The following ALPL variants were observed in gnomAD, a reference collection of about 807,000 sequenced individuals.
ALPL encodes the protein alkaline phosphatase, biomineralization associated.
A neutral mutation model predicts 51.3 loss-of-function variants in ALPL; 42 were observed. The observed-to-expected ratio is 0.82, with a 90% CI of 0.64 to 1.06. ALPL has a LOEUF of 1.06. Ranked by LOEUF, ALPL falls within the 50% of genes least tolerant of loss-of-function variation. ALPL has a pLI of 0.00. For synonymous variants in ALPL, 279 were observed against 296.4 expected, an observed-to-expected ratio of 0.94 and a Z score of 0.60; for missense variants, 589 against 709.4, an observed-to-expected ratio of 0.83 and a Z score of 1.93.
intron 1 of ALPL, among the ~76,000 whole-genome samples, chr1:21,549,932 G>A (rs1308405964): frequency 6.6e-6 from 1 of 152,210 alleles, no homozygotes; most frequent in Non-Finnish European, 1.5e-5. Flanking sequence ...AGACTACAGA[G>A]TGCTGATAAA....
At chr1:21,534,650 G>T (rs891144968) in intron 1 of ALPL, among the ~76,000 whole-genome samples, 32 of 152,244 alleles carry the variant, frequency 2.1e-4, no homozygotes, top group African/African-American at 7.2e-4. Context: ...TGAGGGTCTG[G>T]GTTTGTGGTT....
chr1:21,523,701 G>A (rs12402793), intron 1 of ALPL, among the ~76,000 whole-genome samples: 4 of 152,208 alleles, frequency 2.6e-5, no homozygotes, highest in Admixed American at 2.6e-4. Flanking sequence ...CCCAGGACAA[G>A]CAGTAACAGG....
chr1:21,534,900 T>TG (rs1282159580), intron 1 of ALPL, among the ~76,000 whole-genome samples: 3 of 152,224 alleles, frequency 2.0e-5, no homozygotes, highest in Admixed American at 2.0e-4. Flanking sequence ...AGACCTTCTC[T>TG]GATCTTTCTA....
At chr1:21,570,433 G>C in intron 8 of ALPL, 59 bp downstream of exon 8, 1 of 1,551,088 alleles carries the variant, frequency 6.4e-7, no homozygotes, top group South Asian at 1.1e-5. Context: ...CCGGAGCTGC[G>C]TGTGGCCAGC....
intron 8 of ALPL, among the ~76,000 whole-genome samples, chr1:21,571,627 G>A (rs1327345148): frequency 2.0e-5 from 3 of 149,050 alleles, no homozygotes; most frequent in Admixed American, 6.8e-5. Context: ...AGCCAAGATC[G>A]CACCACTGCA....
chr1:21,563,549 G>GC (rs1558549274), intron 5 of ALPL, among the ~76,000 whole-genome samples: 2 of 152,178 alleles, frequency 1.3e-5, no homozygotes, highest in Admixed American at 6.5e-5. Flanking sequence ...TGGGAACGTA[G>GC]CCCCCTCATA....
intron 1 of ALPL, among the ~76,000 whole-genome samples, chr1:21,515,860 GTTTGTTTGTT>G (rs1415416473): frequency 3.8e-5 from 3 of 78,832 alleles, no homozygotes; most frequent in Admixed American, 1.6e-4. Flanking sequence ...TGTCTGTTTT[GTTTGTTTGTT>G]TTGTTGTTGT....
intron 10 of ALPL, 49 bp from the exon 11 acceptor site, chr1:21,576,473 G>C: frequency 1.2e-6 from 2 of 1,606,908 alleles, no homozygotes; most frequent in Non-Finnish European, 1.7e-6. Context: ...GCTGGGGACT[G>C]TACTCCTGGG....
intron 8 of ALPL, among the ~76,000 whole-genome samples, chr1:21,570,783 C>T (rs1334792210): frequency 6.6e-6 from 1 of 152,188 alleles, no homozygotes; most frequent in Non-Finnish European, 1.5e-5. Flanking sequence ...GTTATCTCTG[C>T]CCATCCTGAC....
At chr1:21,576,271 GT>G (rs1644734459) in intron 10 of ALPL, among the ~76,000 whole-genome samples, 1 of 21,956 alleles carries the variant, frequency 4.6e-5, no homozygotes, top group Non-Finnish European at 1.1e-4. Context: ...GGATGGATGG[GT>G]GGATGGATGG....
chr1:21,533,672 G>A (rs1440596539), intron 1 of ALPL, among the ~76,000 whole-genome samples: 1 of 152,106 alleles, frequency 6.6e-6, no homozygotes, highest in Non-Finnish European at 1.5e-5. Flanking sequence ...TGTAATCCCA[G>A]CACTTTGGGA....
At chr1:21,524,360 C>A (rs1422268519) in intron 1 of ALPL, among the ~76,000 whole-genome samples, 1 of 152,148 alleles carries the variant, frequency 6.6e-6, no homozygotes, top group Admixed American at 6.6e-5. Context: ...GTGGCACATG[C>A]CTGTGTCCTA....
At chr1:21,566,001 A>G (rs1644558935) in intron 6 of ALPL, among the ~76,000 whole-genome samples, 1 of 152,070 alleles carries the variant, frequency 6.6e-6, no homozygotes, top group Non-Finnish European at 1.5e-5. Flanking sequence ...TCCACTCTGA[A>G]GATGCCAAGA....
intron 1 of ALPL, among the ~76,000 whole-genome samples, chr1:21,528,962 C>T (rs904760493): frequency 6.6e-6 from 1 of 151,280 alleles, no homozygotes; most frequent in Non-Finnish European, 1.5e-5. Flanking sequence ...CCCAGCTACT[C>T]AGGAGGCTGA....
chr1:21,533,130 C>T (rs940171449), intron 1 of ALPL, among the ~76,000 whole-genome samples: 1 of 152,162 alleles, frequency 6.6e-6, no homozygotes, highest in African/African-American at 2.4e-5. Flanking sequence ...GTTTACTTAC[C>T]CTAATATATG....
chr1:21,512,975 G>A (rs536684830), intron 1 of ALPL, among the ~76,000 whole-genome samples: 57 of 152,218 alleles, frequency 3.7e-4, no homozygotes, highest in African/African-American at 1.2e-3. Context: ...TATTACCATC[G>A]TTCTTTCTGA....
rs781213038 is a variant in ALPL at position 21,568,104 on chromosome 1, G to GC, written c.649_650insC (p.Val217AlafsTer15). 6.2e-7 allele frequency: 1 copy of GC among 1,614,082 alleles called. No homozygotes were observed. The highest frequency in any genetic ancestry group is 2.2e-5 in the East Asian group (1 of 44,858). ...AAGTGATGGCTCCTGTCTCTTTTAG[G>GC]TGATCATGGGGGGTGGCCGGAAATA... On this transcript the variant is annotated frameshift_variant and splice_region_variant, in exon 7 of 12. Transcript: ENST00000374840. LOFTEE classifies it high-confidence loss of function.
intron 1 of ALPL, among the ~76,000 whole-genome samples, chr1:21,513,265 G>A (rs1197860885): frequency 1.3e-5 from 2 of 152,132 alleles, no homozygotes; most frequent in African/African-American, 4.8e-5. Flanking sequence ...GCTTAGGGCA[G>A]AGTGGACTGG....
intron 1 of ALPL, among the ~76,000 whole-genome samples, chr1:21,519,433 A>T (rs1643862405): frequency 6.6e-6 from 1 of 152,230 alleles, no homozygotes; most frequent in Non-Finnish European, 1.5e-5. Context: ...GTGCTTTACC[A>T]TCGGCAGAGC....
Sources: allele counts gnomAD v4.1 joint callset (sites outside exome capture counted in the v4.1 genomes callset), GRCh38; gene constraint gnomAD v4.1.1; transcripts MANE v1.5; gene names NCBI Gene and HGNC (gene_info 2026-07-23, HGNC 2026-07-21).